Variants in PDZRN3 observed in about 807,000 individuals in gnomAD.
PDZRN3 encodes E3 ubiquitin-protein ligase PDZRN3.
A neutral mutation model predicts 85.7 loss-of-function variants in PDZRN3; 38 were observed. That is an observed-to-expected ratio of 0.44 (90% CI 0.34 to 0.58). The LOEUF is 0.58. Among genes scored for constraint, PDZRN3 ranks in the 20% least tolerant of loss-of-function variants. The probability of loss-of-function intolerance (pLI) is 0.01; values close to 1 mark genes in which losing one functional copy is unlikely to be tolerated. For missense variants in PDZRN3, 1,629 were observed against 1,506.4 expected, an observed-to-expected ratio of 1.08 and a Z score of -1.35; for synonymous variants, 759 against 638.0, an observed-to-expected ratio of 1.19 and a Z score of -2.86.
At chr3:73,400,185 G>A (rs1020512581) in intron 5 of PDZRN3, among the ~76,000 whole-genome samples, 12 of 152,118 alleles carry the variant, frequency 7.9e-5, no homozygotes, top group African/African-American at 2.9e-4. Context: ...TTTCAAAAAT[G>A]CTGTTATATT....
intron 3 of PDZRN3, among the ~76,000 whole-genome samples, chr3:73,594,441 T>C (rs1399335565): frequency 6.6e-6 from 1 of 152,120 alleles, no homozygotes; most frequent in African/African-American, 2.4e-5. Flanking sequence ...AAATAACAAC[T>C]CTCCACCTTT....
At chr3:73,447,133 T>G (rs1702766380) in intron 3 of PDZRN3, among the ~76,000 whole-genome samples, 2 of 150,906 alleles carry the variant, frequency 1.3e-5, no homozygotes, top group South Asian at 4.2e-4. Flanking sequence ...AATCCATTTA[T>G]TTGTCTCTGT....
At position 73,602,446 on chromosome 3, in the gene PDZRN3, A is replaced by G; in HGVS notation, c.826T>C (p.Ser276Pro). The change falls in exon 3 of 10, where the codon TCA becomes CCA. Residue 276 changes from serine to proline, a missense_variant. Physicochemically the swap from Ser to Pro is moderately conservative, Grantham distance 74 (BLOSUM62 -1). Coordinates refer to ENST00000263666, the MANE Select transcript of PDZRN3 (RefSeq NM_015009.3). ...GATACAAAGATTCCTTCACTGGATG[A>G]TCCATCGTGGTTATCCTTTGGGTTA... ...GRPSVDNHDG[S>P]SSEGIFVSKI... The G allele has an allele frequency of 6.9e-6, 11 of 1,583,546 alleles. No individual in the cohort carries two copies. Among genetic ancestry groups the G allele is most frequent in the Non-Finnish European group, 8.6e-6 (10 of 1,161,894 alleles).
In PDZRN3 at chr3:73,574,849, G is replaced by T. The variant is rs552731786; in HGVS notation, c.918+27505C>A. ...TTCCCCCCTCATCTAGCCCCTTTCC[G>T]TCTCTGGCAGTTCAGCCCTGTGCTA... On this transcript the variant is annotated intron_variant, in intron 3 of 9. Coordinates refer to ENST00000263666, the MANE Select transcript of PDZRN3 (RefSeq NM_015009.3). Among the ~76,000 whole-genome samples the T allele has an allele frequency of 2.0e-5, 3 of 152,092 alleles. No homozygotes were observed. The East Asian group carries it at 5.8e-4, about 29-fold the overall frequency.
intron 3 of PDZRN3, among the ~76,000 whole-genome samples, chr3:73,411,397 G>A (rs1378414013): frequency 6.6e-6 from 1 of 151,914 alleles, no homozygotes; most frequent in African/African-American, 2.4e-5. Context: ...TGATTTCTCT[G>A]TCTGTCTCTG....
At chr3:73,471,427 G>A (rs753675116) in intron 3 of PDZRN3, among the ~76,000 whole-genome samples, 12 of 152,128 alleles carry the variant, frequency 7.9e-5, no homozygotes, top group Non-Finnish European at 1.8e-4. Flanking sequence ...CTTTGTAAAT[G>A]CAGCCCTAAA....
chr3:73,562,993 A>T (rs1175817783), intron 3 of PDZRN3, among the ~76,000 whole-genome samples: 1 of 30,136 alleles, frequency 3.3e-5, no homozygotes, highest in Non-Finnish European at 6.6e-5. Flanking sequence ...TTATATATAT[A>T]TATATATATA....
chr3:73,553,582 A>G (rs566795831), intron 3 of PDZRN3, among the ~76,000 whole-genome samples: 16 of 152,006 alleles, frequency 1.1e-4, no homozygotes, highest in African/African-American at 3.9e-4. Flanking sequence ...CATCTAAAAA[A>G]AAAAAAAAAG....
At chr3:73,389,005 C>G (rs1396648810) in intron 7 of PDZRN3, among the ~76,000 whole-genome samples, 2 of 145,742 alleles carry the variant, frequency 1.4e-5, no homozygotes. Flanking sequence ...AGGTTTGGGT[C>G]ACTTCCCTAG....
chr3:73,400,176 T>C (rs1349932311), intron 5 of PDZRN3, among the ~76,000 whole-genome samples: 1 of 152,222 alleles, frequency 6.6e-6, no homozygotes, highest in Non-Finnish European at 1.5e-5. Flanking sequence ...AAAATCAGCT[T>C]TCAAAAATGC....
chr3:73,417,780 G>A (rs572233269), intron 3 of PDZRN3, among the ~76,000 whole-genome samples: 71 of 152,278 alleles, frequency 4.7e-4, no homozygotes, highest in African/African-American at 1.7e-3. Context: ...ACCCTTCCAT[G>A]CAACCAGAGA....
intron 8 of PDZRN3, among the ~76,000 whole-genome samples, chr3:73,386,342 A>G (rs188615316): frequency 6.3e-4 from 94 of 148,296 alleles, no homozygotes; most frequent in Admixed American, 2.0e-3. Context: ...ATTACAGGCA[A>G]TGCGCCACTA....
At chr3:73,423,578 G>A (rs902042325) in intron 3 of PDZRN3, among the ~76,000 whole-genome samples, 3 of 152,318 alleles carry the variant, frequency 2.0e-5, no homozygotes, top group Admixed American at 2.0e-4. Context: ...TAGGAAATGT[G>A]TTTATAAAAA....
At chr3:73,470,653 C>T (rs1045507713) in intron 3 of PDZRN3, among the ~76,000 whole-genome samples, 5 of 152,158 alleles carry the variant, frequency 3.3e-5, no homozygotes, top group African/African-American at 1.2e-4. Context: ...TTGACAAGTC[C>T]TTCTGGAAAC....
chr3:73,496,204 T>C (rs985854271), intron 3 of PDZRN3, among the ~76,000 whole-genome samples: 21 of 152,238 alleles, frequency 1.4e-4, no homozygotes, highest in African/African-American at 4.8e-4. Context: ...AAATACCCTG[T>C]ACCCATCATT....
intron 5 of PDZRN3, among the ~76,000 whole-genome samples, chr3:73,398,332 G>A (rs1014414858): frequency 1.3e-5 from 2 of 152,298 alleles, no homozygotes; most frequent in Admixed American, 6.5e-5. Flanking sequence ...AAGCCTCGCT[G>A]GTGTGACTCA....
chr3:73,474,292 T>C (rs1703405806), intron 3 of PDZRN3, among the ~76,000 whole-genome samples: 1 of 152,070 alleles, frequency 6.6e-6, no homozygotes, highest in Non-Finnish European at 1.5e-5. Flanking sequence ...TTCCCAGTGC[T>C]TGGCAGGTGC....
intron 3 of PDZRN3, among the ~76,000 whole-genome samples, chr3:73,566,973 G>C (rs567332339): frequency 6.6e-6 from 1 of 152,290 alleles, no homozygotes; most frequent in African/African-American, 2.4e-5. Context: ...GGAATCACCT[G>C]TCCTTGTACC....
chr3:73,457,610 GC>G (rs1200817895), intron 3 of PDZRN3, among the ~76,000 whole-genome samples: 1 of 152,044 alleles, frequency 6.6e-6, no homozygotes, highest in Non-Finnish European at 1.5e-5. Flanking sequence ...CATTTTGCAA[GC>G]CCAGTACTTG....
Sources: gnomAD v4.1 joint callset for allele counts (sites outside exome capture counted in the v4.1 genomes callset) on GRCh38, gnomAD v4.1.1 for gene constraint, MANE v1.5 for transcripts, NCBI Gene and HGNC (gene_info 2026-07-23, HGNC 2026-07-21) for gene names.